RIN1: variants seen among roughly 807,000 people sequenced by gnomAD.
RIN1 encodes the protein ras inhibitor 1.
Under a neutral mutation model 64.9 loss-of-function variants are expected in RIN1, and 52 were observed. That is an observed-to-expected ratio of 0.80 (90% CI 0.64 to 1.01). The LOEUF is 1.01. Ranked by LOEUF, RIN1 falls within the 50% of genes least tolerant of loss-of-function variation. The probability of loss-of-function intolerance (pLI) is 0.00; values close to 1 mark genes in which losing one functional copy is unlikely to be tolerated. For synonymous variants in RIN1, 486 were observed against 483.6 expected, an observed-to-expected ratio of 1.00 and a Z score of -0.06; for missense variants, 1,040 against 1,064.5, an observed-to-expected ratio of 0.98 and a Z score of 0.32.
rs1338106289 is a variant in RIN1, at chr11:66,333,949, G to A, written c.1561C>T (p.Leu521=). 2 of 1,553,644 alleles carry A rather than the reference G, an allele frequency of 1.3e-6. No individual in the cohort carries two copies. The highest frequency in any genetic ancestry group is 1.7e-6 in the Non-Finnish European group (2 of 1,149,670). ...TGGGTCCTCAGGGCCATGTAGAGCA[G>A]CTTGCAGGCCTGCAGGAGCCGCTTG... ...QVKRLLQACK[L]LYMALRTQEG... The change falls in exon 7 of 10, where the codon CTG becomes TTG. Residue 521 remains leucine, a synonymous_variant. Transcript: ENST00000311320.
chr11:66,333,597 G>A lies in RIN1; in HGVS notation c.1653C>T (p.Asp551=), dbSNP rs1458656364. The A allele has an allele frequency of 6.2e-7, 1 of 1,613,080 alleles. No homozygotes were observed. The highest frequency in any genetic ancestry group is 8.5e-7 in the Non-Finnish European group (1 of 1,179,774). The change falls in exon 8 of 10, where the codon GAC becomes GAT. Residue 551 remains aspartate (D), a synonymous_variant. Coordinates refer to ENST00000311320, the MANE Select transcript of RIN1 (RefSeq NM_004292.3). The part of the protein sequence containing the change: ...PLLSLVLAHC[D]LPELLLEAEY... ...CGGCCTCCAGCAGCAGCTCAGGAAG[G>A]TCACAGTGGGCCAAGACGAGGCTCA...
Position 66,334,631 on chromosome 11 carries a change from C to T in RIN1, c.1168G>A (p.Val390Met). Residue 390 changes from valine (V) to methionine (M), a missense_variant, in exon 6 of 10, where the codon GTG (valine) becomes ATG (methionine). Coordinates refer to ENST00000311320, the MANE Select transcript of RIN1 (RefSeq NM_004292.3). ...GQLVQDLLTQ[V>M]RAGPEPQELQ... ...TCCTGGGGCTCGGGCCCAGCCCGCA[C>T]CTGGGTCAGTAGGTCCTGCACCAGC... 2.5e-6 allele frequency: 4 copies of T among 1,576,982 alleles called. No individual in the cohort carries two copies. The highest frequency in any genetic ancestry group is 1.8e-4 in the Middle Eastern group (1 of 5,474).
rs1158653497 is a variant in RIN1, at chr11:66,331,437, G to C, written c.*839C>G. 1 of 152,218 alleles carries C rather than the reference G, an allele frequency of 6.6e-6. No individual in the cohort carries two copies. Among genetic ancestry groups the C allele is most frequent in the African/African-American group, 2.4e-5 (1 of 41,440 alleles). 9.4% of individuals were successfully genotyped at this position (152,218 alleles called of 1,614,324 possible). A position where few individuals can be genotyped will look rare whatever the true frequency, so the allele number is the denominator to read the frequency against. The stretch of plus-strand genomic sequence containing the variant: ...TCTGGAAGCTTATCTGCCAGCTGGT[G>C]GATCTCCCCAGAGATGCTGGAGGGC... On this transcript the variant is annotated 3_prime_UTR_variant, in exon 10 of 10. Transcript: ENST00000311320.
chr11:66,333,108 A>T, intron 9 of RIN1, 150 bp downstream of exon 9: 5 of 901,980 alleles, frequency 5.5e-6, no homozygotes, highest in Non-Finnish European at 8.5e-6. Context: ...CGAAGTAGTT[A>T]AGTAACTCGC....
intron 1 of RIN1, 27 bp from the exon 2 acceptor site, chr11:66,336,185 A>G (rs1218032022): frequency 1.4e-6 from 2 of 1,471,762 alleles, no homozygotes; most frequent in South Asian, 2.7e-5. Flanking sequence ...AGATCTGAGC[A>G]GGGAGCCAGG....
intron 6 of RIN1, 89 bp from the exon 7 acceptor site, chr11:66,334,313 A>G: frequency 1.6e-6 from 2 of 1,260,406 alleles, no homozygotes; most frequent in Non-Finnish European, 2.1e-6. Context: ...AGAATCGGGG[A>G]GGAGAGGCAA....
chr11:66,336,420 C>A lies in RIN1; in HGVS notation c.-18G>T. On this transcript the variant is annotated 5_prime_UTR_variant, in exon 1 of 10. Transcript: ENST00000311320. ...CTTTCCATGGCTGGGAGCTCCTTCG[C>A]TTCAGGAAGAGAATCCAGTCCCAAG... is the stretch of plus-strand genomic sequence containing the variant. 6.2e-7 allele frequency: 1 copy of A among 1,607,028 alleles called. No homozygotes were observed. Among genetic ancestry groups the A allele is most frequent in the Non-Finnish European group, 8.5e-7 (1 of 1,176,486 alleles).
In RIN1 at chr11:66,334,984, C is replaced by A; in HGVS notation, c.815G>T (p.Gly272Val). The change falls in exon 6 of 10, where the codon GGG becomes GTG. Residue 272 changes from glycine (G) to valine (V), a missense_variant. By Grantham distance (109) the Gly-to-Val change is moderately radical. Transcript: ENST00000311320. ...VPPPPVPVLP[G>V]AVPSQTERLP... ...CCGCTCTGTCTGGCTGGGGACTGCC[C>A]CTGGCAGCACGGGGACGGGGGGAGG... The A allele has an allele frequency of 6.4e-7, 1 of 1,555,438 alleles. No homozygotes were observed. Among genetic ancestry groups the A allele is most frequent in the South Asian group, 1.2e-5 (1 of 81,816 alleles).
intron 1 of RIN1, 64 bp from the exon 2 acceptor site, chr11:66,336,222 C>T: frequency 1.3e-6 from 2 of 1,498,456 alleles, no homozygotes; most frequent in Non-Finnish European, 1.8e-6. Context: ...CTCCTCTTCC[C>T]CACTCCCGGG....
Position 66,334,148 on chromosome 11 carries a change from G to T in RIN1, c.1362C>A (p.Arg454=), listed in dbSNP as rs1248469915. Residue 454 remains arginine (R), a synonymous_variant, in exon 7 of 10, where the codon CGC becomes CGA. Transcript: ENST00000311320. ...LRPILAARLR[R]RLAADGSLGR... ...CCAGGGAGCCGTCTGCGGCAAGCCG[G>T]CGCCGCAGGCGGGCTGCCAGGATGG... The T allele has an allele frequency of 7.2e-6, 11 of 1,538,136 alleles. No individual in the cohort carries two copies. Among genetic ancestry groups the T allele is most frequent in the Non-Finnish European group, 9.6e-6 (11 of 1,145,944 alleles).
At position 66,332,544 on chromosome 11, in the gene RIN1, G is replaced by C; in HGVS notation, c.2084C>G (p.Thr695Ser). 1 of 1,613,336 alleles carries C rather than the reference G, an allele frequency of 6.2e-7. No homozygotes were observed. Among genetic ancestry groups the C allele is most frequent in the East Asian group, 2.2e-5 (1 of 44,862 alleles). ...CCGGCGGTAGACGAGGTAGCCAGTG[G>C]TGGGCAGCCTGTGGGCCAGGGCCCC... ...PPGALAHRLP[T>S]TGYLVYRRAE... Residue 695 changes from threonine (T) to serine (S), a missense_variant, in exon 10 of 10, where the codon ACC becomes AGC. Physicochemically the swap from Thr to Ser is moderately conservative, Grantham distance 58. Coordinates refer to ENST00000311320, the MANE Select transcript of RIN1 (RefSeq NM_004292.3).
At chr11:66,336,506 G>A (rs1289255772), upstream of RIN1, 21 of 950,752 alleles carry the variant, frequency 2.2e-5, no homozygotes, top group Admixed American at 8.6e-5. Flanking sequence ...TGTCACACCC[G>A]CCAGTTAACT....
At chr11:66,336,584 G>A (rs1398047918), upstream of RIN1, 2 of 611,540 alleles carry the variant, frequency 3.3e-6, no homozygotes, top group African/African-American at 3.7e-5. Context: ...GGGGGTCAGG[G>A]GTCCCCTCCA....
In RIN1 at chr11:66,334,125, AG is replaced by A. The variant is rs1385468957; in HGVS notation, c.1384del (p.Leu462TrpfsTer4). 6.4e-7 allele frequency: 1 copy of A among 1,550,418 alleles called. No homozygotes were observed. The highest frequency in any genetic ancestry group is 2.0e-5 in the Admixed American group (1 of 49,552). On this transcript the variant is annotated frameshift_variant, in exon 7 of 10. Coordinates refer to ENST00000311320, the MANE Select transcript of RIN1 (RefSeq NM_004292.3). LOFTEE classifies it high-confidence loss of function. Reference protein sequence around the residue: ...LRRRLAADGSLGRLAEGLRLA... With the variant: ...LRRRLAADGSXGRLAEGLRLA... Reference sequence around the variant, plus strand: ...GCGGAGGCCCTCAGCTAGGCGGCCCAGGGAGCCGTCTGCGGCAAGCCGGCGC... The same window carrying A: ...GCGGAGGCCCTCAGCTAGGCGGCCCAGGAGCCGTCTGCGGCAAGCCGGCGC...
At chr11:66,336,253 C>G in intron 1 of RIN1, 64 bp downstream of exon 1, 1 of 1,525,232 alleles carries the variant, frequency 6.6e-7, no homozygotes, top group East Asian at 2.4e-5. Flanking sequence ...TCTCTATCCC[C>G]GGATAGGCCC....
At position 66,334,850 on chromosome 11, in the gene RIN1, C is replaced by A. The variant is rs778778664; in HGVS notation, c.949G>T (p.Gly317Cys). 1 of 1,552,716 alleles carries A rather than the reference C, an allele frequency of 6.4e-7. No individual in the cohort carries two copies. Among genetic ancestry groups the A allele is most frequent in the East Asian group, 2.4e-5 (1 of 41,578 alleles). Residue 317 changes from glycine to cysteine, a missense_variant, in exon 6 of 10, where the codon GGC (glycine) becomes TGC (cysteine). Gly to Cys is a radical substitution (Grantham distance 159). Coordinates refer to ENST00000311320, the MANE Select transcript of RIN1 (RefSeq NM_004292.3). ...PMPSLQEVDC[G>C]SPSSSEEEGV... ...TCCTCCTCGGAGCTGCTGGGGGAGC[C>A]GCAGTCCACCTCTTGGAGGGAGGGC... is the stretch of plus-strand genomic sequence containing the variant.
chr11:66,332,188 G>A lies in RIN1; in HGVS notation c.*88C>T, dbSNP rs545877591. 1 of 1,216,278 alleles carries A rather than the reference G, an allele frequency of 8.2e-7. No homozygotes were observed. Among genetic ancestry groups the A allele is most frequent in the Admixed American group, 1.7e-5 (1 of 58,706 alleles). The allele number at this position is 1,216,278 out of a possible 1,614,324, so 75.3% of individuals were successfully genotyped here. A position where few individuals can be genotyped will look rare whatever the true frequency, so the allele number is the denominator to read the frequency against. ...AAAGGTGGTGGCAGACACAGGACAG[G>A]GCCCTGGGTGGGGCTTGCTGGCGCT... On this transcript the variant is annotated 3_prime_UTR_variant, in exon 10 of 10. Coordinates refer to ENST00000311320, the MANE Select transcript of RIN1 (RefSeq NM_004292.3).
Position 66,335,776 on chromosome 11 carries a change from A to G in RIN1, c.368T>C (p.Leu123Pro), listed in dbSNP as rs931128611. 3 of 1,612,800 alleles carry G rather than the reference A, an allele frequency of 1.9e-6. No homozygotes were observed. Among genetic ancestry groups the G allele is most frequent in the Non-Finnish European group, 2.5e-6 (3 of 1,179,270 alleles). Residue 123 changes from leucine (L) to proline (P), a missense_variant, in exon 3 of 10, where the codon CTG (leucine) becomes CCG (proline). Leu to Pro is a moderately conservative substitution (Grantham distance 98). Coordinates refer to ENST00000311320, the MANE Select transcript of RIN1 (RefSeq NM_004292.3). The part of the protein sequence containing the change: ...GPSFVSSHYI[L>P]ESPGGVSLEG... ...CAGCCCCTCACCGCCAGGGCTCTCC[A>G]GGATGTAGTGGCTGGAGACGAAGGA...
At position 66,334,450 on chromosome 11, in the gene RIN1, G is replaced by A. The variant is rs1463499674; in HGVS notation, c.1285+64C>T. ...GCAGAACAGAATCAGACAGGCTGGC[G>A]CTGTGGAGGGGAGCAGAGGGTCGGA... On this transcript the variant is annotated intron_variant, in intron 6 of 9. Transcript: ENST00000311320. 6.4e-6 allele frequency: 10 copies of A among 1,559,008 alleles called. No homozygotes were observed. The Admixed American group carries it at 1.2e-4, about 18-fold the overall frequency.
Sources: gnomAD v4.1 joint callset for allele counts on GRCh38, gnomAD v4.1.1 for gene constraint, MANE v1.5 for transcripts, NCBI Gene and HGNC (gene_info 2026-07-23, HGNC 2026-07-21) for gene names.